COL12A1: variants seen among roughly 807,000 people sequenced by gnomAD.
COL12A1 encodes the protein collagen alpha-1(XII) chain.
Under a neutral mutation model 349.7 loss-of-function variants are expected in COL12A1, and 114 were observed. That is an observed-to-expected ratio of 0.33 (90% CI 0.28 to 0.38). COL12A1 has a LOEUF of 0.38. Among genes scored for constraint, COL12A1 ranks in the 10% least tolerant of loss-of-function variants. The probability of loss-of-function intolerance (pLI) is 1.00; values close to 1 mark genes in which losing one functional copy is unlikely to be tolerated. For synonymous variants in COL12A1, 1,369 were observed against 1,329.0 expected (o/e 1.03, Z -0.66); for missense variants, 3,284 against 3,756.9 (o/e 0.87, Z 3.29).
At position 75,175,142 on chromosome 6, in the gene COL12A1, A is replaced by C; in HGVS notation, c.2606T>G (p.Val869Gly). The C allele has an allele frequency of 6.2e-7, 1 of 1,614,034 alleles. No individual in the cohort carries two copies. The highest frequency in any genetic ancestry group is 8.5e-7 in the Non-Finnish European group (1 of 1,180,002). ...VTVRGDTTNT[V>G]LQGLKEGTQY... Reference sequence around the variant, plus strand: ...TGTCCCTTCCTTCAATCCCTGCAGCACCGTATTGGTTGTATCTCCCCTCAC... The same window carrying C: ...TGTCCCTTCCTTCAATCCCTGCAGCCCCGTATTGGTTGTATCTCCCCTCAC... The change falls in exon 13 of 66, where the codon GTG becomes GGG. Residue 869 changes from valine to glycine, a missense_variant. This residue lies in a region of COL12A1 where 2,601 missense variants were observed against 2,824.8 expected (regional missense o/e 0.92). Coordinates refer to ENST00000322507, the MANE Select transcript of COL12A1 (RefSeq NM_004370.6).
In COL12A1 at chr6:75,086,648, G is replaced by GTATATA. The variant is rs61611291; in HGVS notation, c.9182-97_9182-92dup. ...TCCATCTACGTATGTAATGGTTAAA[G>GTATATA]TATATATATATATATATATATATAT... On this transcript the variant is annotated intron_variant, in intron 65 of 65. Coordinates refer to ENST00000322507, the MANE Select transcript of COL12A1 (RefSeq NM_004370.6). 2.7e-3 allele frequency: 766 copies of GTATATA among 288,980 alleles called. 1 individual carries two copies. Among genetic ancestry groups the GTATATA allele is most frequent in the African/African-American group, 0.015 (636 of 41,214 alleles). 17.9% of individuals were successfully genotyped at this position (288,980 alleles called of 1,614,324 possible).
intron 51 of COL12A1, 121 bp from the exon 52 acceptor site, chr6:75,109,288 CT>C: frequency 1.5e-6 from 1 of 658,956 alleles, no homozygotes; most frequent in Non-Finnish European, 2.4e-6. Context: ...AATCAAAAGT[CT>C]TACTCTGAAA....
intron 27 of COL12A1, 144 bp from the exon 28 acceptor site, chr6:75,139,105 T>C: frequency 1.2e-6 from 1 of 836,984 alleles, no homozygotes; most frequent in South Asian, 1.9e-5. Context: ...ATTTCACCAA[T>C]TCCTAGAGCT....
At chr6:75,182,793 T>A (rs1769380920) in intron 10 of COL12A1, among the ~76,000 whole-genome samples, 1 of 152,232 alleles carries the variant, frequency 6.6e-6, no homozygotes, top group Non-Finnish European at 1.5e-5. Context: ...TTCCTAAACC[T>A]GCTTGACAAT....
intron 47 of COL12A1, among the ~76,000 whole-genome samples, chr6:75,116,296 C>T (rs1251137374): frequency 6.6e-6 from 1 of 152,026 alleles, no homozygotes; most frequent in East Asian, 1.9e-4. Flanking sequence ...TGGACTTTTA[C>T]AGTACTCTTA....
At position 75,121,439 on chromosome 6, in the gene COL12A1, A is replaced by G. The variant is rs762160873; in HGVS notation, c.6949T>C (p.Cys2317Arg). ...ACAATATCTGCCTTGGCCCCTTTGCATACTGCAAAAAAAGAAAGCAGAGGA... is the reference window on the plus strand; with the variant it reads ...ACAATATCTGCCTTGGCCCCTTTGCGTACTGCAAAAAAAGAAAGCAGAGGA... ...PPTIPPARDV[C>R]KGAKADIVFL... The change falls in exon 44 of 66, where the codon TGC (cysteine) becomes CGC (arginine). Residue 2317 changes from cysteine to arginine, a missense_variant and splice_region_variant. Physicochemically the swap from Cys to Arg is radical, Grantham distance 180. This residue lies in a region of COL12A1 where 2,601 missense variants were observed against 2,824.8 expected (regional missense o/e 0.92). Coordinates refer to ENST00000322507, the MANE Select transcript of COL12A1 (RefSeq NM_004370.6). 1 of 1,551,090 alleles carries G rather than the reference A, an allele frequency of 6.4e-7. No homozygotes were observed. The highest frequency in any genetic ancestry group is 1.2e-5 in the South Asian group (1 of 82,762).
intron 25 of COL12A1, among the ~76,000 whole-genome samples, chr6:75,144,408 T>G (rs1767071890): frequency 6.6e-6 from 1 of 152,208 alleles, no homozygotes; most frequent in Non-Finnish European, 1.5e-5. Flanking sequence ...GTAGGGGATC[T>G]TTCTCTTCTC....
intron 29 of COL12A1, 49 bp from the exon 30 acceptor site, chr6:75,138,389 C>T (rs761885121): frequency 1.2e-6 from 2 of 1,607,628 alleles, no homozygotes; most frequent in Admixed American, 3.4e-5. Flanking sequence ...AGCTGTAGCC[C>T]TATTTTTTAA....
chr6:75,172,399 T>C (rs1237013158), intron 13 of COL12A1, among the ~76,000 whole-genome samples: 1 of 152,182 alleles, frequency 6.6e-6, no homozygotes, highest in African/African-American at 2.4e-5. Flanking sequence ...AAAGCACAAA[T>C]GAATACCAGA....
intron 2 of COL12A1, among the ~76,000 whole-genome samples, chr6:75,199,165 A>T (rs1199425390): frequency 6.6e-6 from 1 of 152,196 alleles, no homozygotes; most frequent in East Asian, 1.9e-4. Context: ...GCACAAACAA[A>T]GCACAGTGTG....
Position 75,133,950 on chromosome 6 carries a change from T to G in COL12A1, c.5572A>C (p.Ser1858Arg). 1 of 1,614,132 alleles carries G rather than the reference T, an allele frequency of 6.2e-7. No individual in the cohort carries two copies. The highest frequency in any genetic ancestry group is 1.1e-5 in the South Asian group (1 of 91,078). ...RNLRVYDPSTSTLNVRWDHAE... is the reference protein window; with the variant it reads ...RNLRVYDPSTRTLNVRWDHAE... ...TGGTCCCAGCGGACATTCAAGGTGC[T>G]GGTAGAAGGGTCATACACTCTCAGG... Residue 1858 changes from serine to arginine, a missense_variant, in exon 33 of 66, where the codon AGC (serine) becomes CGC (arginine). By Grantham distance (110) the Ser-to-Arg change is moderately radical. Transcript: ENST00000322507.
At position 75,138,383 on chromosome 6, in the gene COL12A1, G is replaced by A. The variant is rs761193093; in HGVS notation, c.5231-43C>T. 7 of 1,609,654 alleles carry A rather than the reference G, an allele frequency of 4.3e-6. No homozygotes were observed. The East Asian group carries it at 1.1e-4, about 26-fold the overall frequency. On this transcript the variant is annotated intron_variant, in intron 29 of 65. Coordinates refer to ENST00000322507, the MANE Select transcript of COL12A1 (RefSeq NM_004370.6). Reference sequence around the variant, plus strand: ...TTGGGAACACATTACTAATATAGCTGTAGCCCTATTTTTTAAAAATTAACT... The same window carrying A: ...TTGGGAACACATTACTAATATAGCTATAGCCCTATTTTTTAAAAATTAACT...
In COL12A1 at chr6:75,086,527, C is replaced by G. The variant is rs966413869; in HGVS notation, c.*20G>C. The stretch of plus-strand genomic sequence containing the variant: ...TCATGTATTCAAACTGTAAGCAGCA[C>G]TGGCGACTTAGAAAATGTGTTAGCC... On this transcript the variant is annotated 3_prime_UTR_variant, in exon 66 of 66. Transcript: ENST00000322507. 1.9e-6 allele frequency: 3 copies of G among 1,606,426 alleles called. No homozygotes were observed. The African/African-American group carries it at 4.0e-5, about 21-fold the overall frequency.
Position 75,111,966 on chromosome 6 carries a change from A to T in COL12A1, c.7950+1238T>A, listed in dbSNP as rs1047133437. On this transcript the variant is annotated intron_variant, in intron 51 of 65. Transcript: ENST00000322507. ...AGATTCCTCAGGAGTAGAAACAGTA[A>T]GAAATACTGCTAAATCTACTCAGGT... is the stretch of plus-strand genomic sequence containing the variant. Among the ~76,000 whole-genome samples, 7 of 151,982 alleles carry T rather than the reference A, an allele frequency of 4.6e-5. No individual in the cohort carries two copies. The South Asian group carries it at 1.5e-3, about 32-fold the overall frequency.
At chr6:75,124,154 T>G in intron 41 of COL12A1, 60 bp from the exon 42 acceptor site, 1 of 1,595,306 alleles carries the variant, frequency 6.3e-7, no homozygotes, top group Non-Finnish European at 8.6e-7. Context: ...CAAGAAAATT[T>G]TATATCGCAT....
At position 75,148,341 on chromosome 6, in the gene COL12A1, T is replaced by C. The variant is rs1767305313; in HGVS notation, c.4287+17A>G. 3.1e-6 allele frequency: 5 copies of C among 1,608,262 alleles called. No individual in the cohort carries two copies. Among genetic ancestry groups the C allele is most frequent in the Non-Finnish European group, 8.5e-7 (1 of 1,177,096 alleles). On this transcript the variant is annotated intron_variant, in intron 22 of 65. Coordinates refer to ENST00000322507, the MANE Select transcript of COL12A1 (RefSeq NM_004370.6). ...CTCAACATCAGGAAGAAGTAAGTTA[T>C]AGGTGTTCCTACTCACTTCTTGACG... is the stretch of plus-strand genomic sequence containing the variant.
At chr6:75,199,087 A>G (rs1219305808) in intron 2 of COL12A1, among the ~76,000 whole-genome samples, 1 of 152,232 alleles carries the variant, frequency 6.6e-6, no homozygotes, top group Non-Finnish European at 1.5e-5. Context: ...AGAATAAGCT[A>G]CAGATTATTT....
chr6:75,197,363 AGT>A (rs1770284474), intron 2 of COL12A1, among the ~76,000 whole-genome samples: 1 of 142,968 alleles, frequency 7.0e-6, no homozygotes, highest in Non-Finnish European at 1.5e-5. Context: ...CCCAGGCTGG[AGT>A]GCAGTGGTAC....
chr6:75,195,630 T>G (rs1770182871), intron 2 of COL12A1, among the ~76,000 whole-genome samples: 1 of 152,188 alleles, frequency 6.6e-6, no homozygotes, highest in South Asian at 2.1e-4. Context: ...GTGATGTTAA[T>G]TTATAAATAT....
Sources: gnomAD v4.1 joint callset for allele counts (sites outside exome capture counted in the v4.1 genomes callset) on GRCh38, gnomAD v4.1.1 for gene constraint, gnomAD v4.1.1 regional missense constraint, MANE v1.5 for transcripts, NCBI Gene and HGNC (gene_info 2026-07-23, HGNC 2026-07-21) for gene names.